COL4A1: variants seen among roughly 807,000 people sequenced by gnomAD.
The protein encoded by COL4A1 is collagen alpha-1(IV) chain.
COL4A1 carries 40 observed loss-of-function variants against 216.6 expected under a neutral mutation model. The observed-to-expected ratio is 0.18, with a 90% CI of 0.14 to 0.24. COL4A1 has a LOEUF of 0.24. Among genes scored for constraint, COL4A1 ranks in the 10% least tolerant of loss-of-function variants. The pLI is 1.00. For synonymous variants in COL4A1, 839 were observed against 810.7 expected (o/e 1.03, Z -0.59); for missense variants, 1,628 against 2,196.8 (o/e 0.74, Z 5.18).
chr13:110,238,980 C>T lies in COL4A1; in HGVS notation c.144+3695G>A, dbSNP rs1034471771. Among the ~76,000 whole-genome samples the T allele has an allele frequency of 3.3e-5, 5 of 152,078 alleles. No homozygotes were observed. The South Asian group carries it at 8.3e-4, about 25-fold the overall frequency. ...CAAGCAGACAGCATTCCCACACTGC[C>T]GCAGTCTCTGGAGGAGCACAGAGCC... On this transcript the variant is annotated intron_variant, in intron 2 of 51. Coordinates refer to ENST00000375820, the MANE Select transcript of COL4A1 (RefSeq NM_001845.6).
rs682491 is a variant in COL4A1 at position 110,172,981 on chromosome 13, A to G, written c.3506-211T>C. Among the ~76,000 whole-genome samples, 6,380 of 152,284 alleles carry G rather than the reference A, an allele frequency of 0.042. 393 individuals carry two copies. The highest frequency in any genetic ancestry group is 0.14 in the African/African-American group (5,893 of 41,522). On this transcript the variant is annotated intron_variant, in intron 40 of 51. Coordinates refer to ENST00000375820, the MANE Select transcript of COL4A1 (RefSeq NM_001845.6). ...CCTAATTTAGTACTTTTTCCTAAGTACCTTTCAGCTCAGAACCACCACGGC... is the reference window on the plus strand; with the variant it reads ...CCTAATTTAGTACTTTTTCCTAAGTGCCTTTCAGCTCAGAACCACCACGGC...
chr13:110,155,196 C>A, intron 50 of COL4A1, 87 bp downstream of exon 50: 2 of 948,604 alleles, frequency 2.1e-6, no homozygotes, highest in Non-Finnish European at 3.5e-6. Context: ...GCAGAGAACT[C>A]CAAGGTGTGG....
intron 24 of COL4A1, among the ~76,000 whole-genome samples, chr13:110,191,909 C>A (rs1425993862): frequency 6.6e-6 from 1 of 152,192 alleles, no homozygotes; most frequent in East Asian, 1.9e-4. Context: ...CCAGAAATCC[C>A]AGAGACCCTG....
chr13:110,174,286 T>A (rs1422457310), intron 39 of COL4A1, among the ~76,000 whole-genome samples, 160 bp downstream of exon 39: 1 of 152,068 alleles, frequency 6.6e-6, no homozygotes, highest in East Asian at 1.9e-4. Context: ...CTCAGAAAGA[T>A]CCTGTAACCT....
chr13:110,179,012 G>C lies in COL4A1; in HGVS notation c.2369C>G (p.Pro790Arg). Residue 790 changes from proline to arginine, a missense_variant, in exon 31 of 52, where the codon CCA becomes CGA. Physicochemically the swap from Pro to Arg is moderately radical, Grantham distance 103. This residue lies in a region of COL4A1 where 701 missense variants were observed against 892.5 expected (regional missense o/e 0.79). Transcript: ENST00000375820. Reference sequence around the variant, plus strand: ...AACTCCTGGAGACCCCACGGAGCCTGGCAATCCAGGAGGTCCCGGTTCACC... The same window carrying C: ...AACTCCTGGAGACCCCACGGAGCCTCGCAATCCAGGAGGTCCCGGTTCACC... The part of the protein sequence containing the change: ...IRGEPGPPGL[P>R]GSVGSPGVPG... 6.2e-7 allele frequency: 1 copy of C among 1,611,378 alleles called. No homozygotes were observed.
At chr13:110,186,343 G>A (rs754885980) in intron 26 of COL4A1, 42 bp downstream of exon 26, 12 of 1,610,752 alleles carry the variant, frequency 7.4e-6, no homozygotes, top group East Asian at 4.5e-5. Context: ...CCTAACCTCC[G>A]TTTACAACTT....
intron 17 of COL4A1, among the ~76,000 whole-genome samples, chr13:110,204,074 A>T (rs1470609068): frequency 2.0e-5 from 3 of 152,248 alleles, no homozygotes; most frequent in African/African-American, 7.2e-5. Context: ...GGAGGTCATA[A>T]TGTAAAATCT....
Position 110,210,206 on chromosome 13 carries a change from G to T in COL4A1, c.475C>A (p.Pro159Thr). The change falls in exon 9 of 52, where the codon CCA becomes ACA. Residue 159 changes from proline to threonine, a missense_variant. By Grantham distance (38) the Pro-to-Thr change is conservative. Coordinates refer to ENST00000375820, the MANE Select transcript of COL4A1 (RefSeq NM_001845.6). ...PPGLPGMKGD[P>T]GEILGHVPGM... ...GGCACATGGCCAAGTATCTCACCTGGATCACCCTAGAGGATGAAGAAAGAA... is the reference window on the plus strand; with the variant it reads ...GGCACATGGCCAAGTATCTCACCTGTATCACCCTAGAGGATGAAGAAAGAA... 1.9e-6 allele frequency: 3 copies of T among 1,613,482 alleles called. No homozygotes were observed. Among genetic ancestry groups the T allele is most frequent in the Non-Finnish European group, 2.5e-6 (3 of 1,179,944 alleles).
chr13:110,276,345 G>C (rs779538775), intron 1 of COL4A1, among the ~76,000 whole-genome samples: 1 of 152,170 alleles, frequency 6.6e-6, no homozygotes, highest in African/African-American at 2.4e-5. Flanking sequence ...CAAATATTTT[G>C]TCATTTTCCT....
intron 23 of COL4A1, 50 bp downstream of exon 23, chr13:110,192,780 A>C (rs1365471780): frequency 5.9e-6 from 9 of 1,531,260 alleles, no homozygotes; most frequent in Non-Finnish European, 7.2e-6. Flanking sequence ...GAAAGATGCC[A>C]ACACACCAAA....
At chr13:110,243,346 T>C (rs1250840501) in intron 1 of COL4A1, among the ~76,000 whole-genome samples, 7 of 152,082 alleles carry the variant, frequency 4.6e-5, no homozygotes, top group Admixed American at 4.6e-4. Context: ...AGACAAAGTG[T>C]TGCTTTTGTT....
intron 24 of COL4A1, among the ~76,000 whole-genome samples, chr13:110,189,098 T>C (rs537050793): frequency 2.0e-5 from 3 of 152,358 alleles, no homozygotes; most frequent in South Asian, 4.1e-4. Flanking sequence ...ATTTTCGCTC[T>C]TGTTGCCCAG....
intron 6 of COL4A1, 140 bp downstream of exon 6, chr13:110,212,277 A>T: frequency 9.7e-7 from 1 of 1,029,710 alleles, no homozygotes; most frequent in Non-Finnish European, 1.5e-6. Context: ...TTTCCTTACT[A>T]AATAAAGCAA....
At position 110,244,381 on chromosome 13, in the gene COL4A1, C is replaced by T. The variant is rs1179597448; in HGVS notation, c.85-1647G>A. On this transcript the variant is annotated intron_variant, in intron 1 of 51. Coordinates refer to ENST00000375820, the MANE Select transcript of COL4A1 (RefSeq NM_001845.6). Reference sequence around the variant, plus strand: ...TAGGTCTGTGTTTTTCTCTGACTCACATTTTAGGCAATTTTCAGCCTACAC... The same window carrying T: ...TAGGTCTGTGTTTTTCTCTGACTCATATTTTAGGCAATTTTCAGCCTACAC... Among the ~76,000 whole-genome samples the T allele has an allele frequency of 2.0e-5, 3 of 152,034 alleles. No individual in the cohort carries two copies. The East Asian group carries it at 5.8e-4, about 29-fold the overall frequency.
intron 1 of COL4A1, among the ~76,000 whole-genome samples, chr13:110,292,222 C>A (rs1414882034): frequency 2.0e-5 from 3 of 152,188 alleles, no homozygotes; most frequent in African/African-American, 7.2e-5. Context: ...CTATAAAAAT[C>A]TGCTACCAAG....
chr13:110,200,995 A>C, intron 19 of COL4A1, 106 bp from the exon 20 acceptor site: 1 of 1,249,996 alleles, frequency 8.0e-7, no homozygotes, highest in South Asian at 1.2e-5. Context: ...GTAAGTGTCC[A>C]TGGCCAAAGG....
intron 2 of COL4A1, among the ~76,000 whole-genome samples, chr13:110,219,668 ATATATATATGTG>A (rs1206274197): frequency 1.8e-4 from 8 of 45,430 alleles, no homozygotes; most frequent in Non-Finnish European, 3.3e-4. Flanking sequence ...ATATGTATAT[ATATATATATGTG>A]TATATATATG....
chr13:110,167,050 G>T, intron 44 of COL4A1, 108 bp downstream of exon 44: 1 of 877,850 alleles, frequency 1.1e-6, no homozygotes, highest in Non-Finnish European at 2.0e-6. Flanking sequence ...AGTATCTCGT[G>T]CTATAATGGC....
intron 1 of COL4A1, among the ~76,000 whole-genome samples, chr13:110,289,517 C>T (rs1262851346): frequency 1.3e-5 from 2 of 152,166 alleles, no homozygotes; most frequent in Non-Finnish European, 2.9e-5. Flanking sequence ...TCTTTGCAGG[C>T]CTTGAGTTCA....
Sources: gnomAD v4.1 joint callset for allele counts (sites outside exome capture counted in the v4.1 genomes callset) on GRCh38, gnomAD v4.1.1 for gene constraint, gnomAD v4.1.1 regional missense constraint, MANE v1.5 for transcripts, NCBI Gene and HGNC (gene_info 2026-07-23, HGNC 2026-07-21) for gene names.